PHF24: variants seen among roughly 807,000 people sequenced by gnomAD.
PHF24 encodes the protein Galpha inhibitory interacting protein.
In PHF24, 25 loss-of-function variants were observed where a neutral mutation model predicts 42.6. The ratio of observed to expected loss-of-function variants is 0.59; its 90% confidence interval spans 0.43 to 0.82. The LOEUF is 0.82. PHF24 is among the 40% of genes least tolerant of loss of function. The pLI, the probability that PHF24 is intolerant of heterozygous loss-of-function variation, is 0.00. For synonymous variants in PHF24, 185 were observed against 204.8 expected (o/e 0.90, Z 0.83); for missense variants, 470 against 538.1 (o/e 0.87, Z 1.25).
chr9:34,748,957 A>G, the PHF24 span, among the ~76,000 whole-genome samples: 1 of 152,184 alleles, frequency 6.6e-6, no homozygotes, highest in East Asian at 1.9e-4. Flanking sequence ...TAAATTCAAT[A>G]TAACACAGAG....
chr9:34,831,980 C>T, the PHF24 span, among the ~76,000 whole-genome samples: 1 of 152,198 alleles, frequency 6.6e-6, no homozygotes, highest in Non-Finnish European at 1.5e-5. Context: ...GGAGGGAATA[C>T]TGTGGCACTC....
the PHF24 span, among the ~76,000 whole-genome samples, chr9:34,685,219 A>G: frequency 1.3e-5 from 2 of 152,014 alleles, no homozygotes; most frequent in African/African-American, 4.8e-5. Flanking sequence ...CCAGATCCCC[A>G]GCACTCTTCC....
chr9:34,728,604 T>G, the PHF24 span: 6 of 1,550,320 alleles, frequency 3.9e-6, no homozygotes, highest in Non-Finnish European at 5.2e-6. Flanking sequence ...AGATTGGGAC[T>G]TTACCTGTTG....
rs1826475657 is a variant in PHF24 at position 34,958,571 on chromosome 9, A to T, written c.-5+170A>T. On this transcript the variant is annotated intron_variant, in intron 1 of 7. Coordinates refer to ENST00000242315, the Ensembl canonical transcript of PHF24. The surrounding 1 kb of genome is among the most constrained non-coding windows in gnomAD (Gnocchi z 4.5). ...AGCTGCTGCCTCTACGCCTTGGGGG[A>T]GTCCCTGAGGTGCTGTGGGGAGCCG... 6.6e-6 allele frequency among the ~76,000 whole-genome samples: 1 copy of T among 151,924 alleles called. No homozygotes were observed. Among genetic ancestry groups the T allele is most frequent in the Non-Finnish European group, 1.5e-5 (1 of 67,964 alleles).
chr9:34,922,611 A>T, the PHF24 span: 1 of 986,400 alleles, frequency 1.0e-6, no homozygotes, highest in South Asian at 1.3e-5. Context: ...GGGATCAAGA[A>T]CTTTTCCAAA....
chr9:34,804,492 C>A, the PHF24 span, among the ~76,000 whole-genome samples: 1 of 152,106 alleles, frequency 6.6e-6, no homozygotes, highest in African/African-American at 2.4e-5. Flanking sequence ...TAAATGGTAA[C>A]TACTAATAGT....
At chr9:34,873,439 C>T in the PHF24 span, among the ~76,000 whole-genome samples, 1 of 151,814 alleles carries the variant, frequency 6.6e-6, no homozygotes, top group Middle Eastern at 3.4e-3. Flanking sequence ...CCAGTTTTCC[C>T]AGCACCATCT....
At chr9:34,925,139 A>G in the PHF24 span, among the ~76,000 whole-genome samples, 1,319 of 152,254 alleles carry the variant, frequency 8.7e-3, 11 homozygotes, top group African/African-American at 0.03. Flanking sequence ...ATTCTTGACT[A>G]GCAGGATTTT....
chr9:34,891,909 A>G, the PHF24 span, among the ~76,000 whole-genome samples: 7 of 152,236 alleles, frequency 4.6e-5, no homozygotes, highest in Non-Finnish European at 7.4e-5. Flanking sequence ...CAGATATAGG[A>G]CATTGATCTG....
chr9:34,739,230 G>A, the PHF24 span, among the ~76,000 whole-genome samples: 5 of 152,130 alleles, frequency 3.3e-5, no homozygotes, highest in African/African-American at 7.2e-5. Flanking sequence ...TTCATTTCAC[G>A]TTGACAAAAA....
chr9:34,981,101 A>T (rs562243043), exon 8 of PHF24: 1 of 152,116 alleles, frequency 6.6e-6, no homozygotes, highest in Admixed American at 6.5e-5. Flanking sequence ...CAGTCCCCTC[A>T]CTCTAGGTAC....
the PHF24 span, among the ~76,000 whole-genome samples, chr9:34,865,478 C>T: frequency 1.4e-4 from 21 of 152,058 alleles, no homozygotes; most frequent in Middle Eastern, 0.01. Context: ...ACAGGAGAAT[C>T]GCTTAAATCC....
the PHF24 span, among the ~76,000 whole-genome samples, chr9:34,716,340 G>A: frequency 1.3e-5 from 2 of 152,316 alleles, no homozygotes; most frequent in East Asian, 3.9e-4. Context: ...TGATGTTAAA[G>A]TAGGATTTGG....
At chr9:34,864,738 A>G in the PHF24 span, among the ~76,000 whole-genome samples, 2 of 152,238 alleles carry the variant, frequency 1.3e-5, no homozygotes, top group Non-Finnish European at 2.9e-5. Flanking sequence ...AAGTACACTG[A>G]AAAATATTAC....
chr9:34,816,109 T>C, the PHF24 span, among the ~76,000 whole-genome samples: 1 of 151,964 alleles, frequency 6.6e-6, no homozygotes, highest in Non-Finnish European at 1.5e-5. Context: ...TTTATTTTTT[T>C]ATTATACTTT....
the PHF24 span, among the ~76,000 whole-genome samples, chr9:34,902,193 C>A: frequency 1.2e-4 from 18 of 151,978 alleles, no homozygotes; most frequent in Non-Finnish European, 2.2e-4. Context: ...TTTGTTTATA[C>A]CTTGAAAATA....
At chr9:34,894,181 T>C in the PHF24 span, among the ~76,000 whole-genome samples, 5 of 152,298 alleles carry the variant, frequency 3.3e-5, no homozygotes, top group East Asian at 9.7e-4. Context: ...TAGAGTCTTT[T>C]ATGAATTATA....
At chr9:34,678,723 C>T in the PHF24 span, among the ~76,000 whole-genome samples, 11 of 151,724 alleles carry the variant, frequency 7.3e-5, no homozygotes, top group African/African-American at 2.4e-4. Flanking sequence ...CTCCACCTCC[C>T]GGGTTCAGGC....
chr9:34,966,570 A>T (rs987977612), intron 1 of PHF24, among the ~76,000 whole-genome samples: 1 of 146,884 alleles, frequency 6.8e-6, no homozygotes, highest in Non-Finnish European at 1.5e-5. Context: ...AGCCTGGGTA[A>T]TATGGCGAGA....
Sources: gnomAD v4.1 joint callset for allele counts (sites outside exome capture counted in the v4.1 genomes callset) on GRCh38, gnomAD v4.1.1 for gene constraint, Gnocchi (gnomAD v3.1) non-coding constraint, MANE v1.5 for transcripts, NCBI Gene and HGNC (gene_info 2026-07-23, HGNC 2026-07-21) for gene names.